Variants in RPGRIP1 observed in about 807,000 individuals in gnomAD.
RPGRIP1 encodes the protein X-linked retinitis pigmentosa GTPase regulator-interacting protein 1.
A neutral mutation model predicts 157.9 loss-of-function variants in RPGRIP1; 128 were observed. The observed-to-expected ratio is 0.81, with a 90% CI of 0.70 to 0.94. The LOEUF is 0.94. RPGRIP1 is among the 40% of genes least tolerant of loss of function. RPGRIP1 has a pLI of 0.00. For synonymous variants in RPGRIP1, 554 were observed against 571.6 expected (o/e 0.97, Z 0.44); for missense variants, 1,486 against 1,545.8 (o/e 0.96, Z 0.65).
chr14:21,287,329 T>G (rs918464433), intron 1 of RPGRIP1, among the ~76,000 whole-genome samples: 1 of 152,038 alleles, frequency 6.6e-6, no homozygotes, highest in Non-Finnish European at 1.5e-5. Flanking sequence ...TTGGCCAGAG[T>G]ATGAGGCAAC....
chr14:21,338,244 A>G (rs1184987875), intron 21 of RPGRIP1, among the ~76,000 whole-genome samples: 2 of 152,192 alleles, frequency 1.3e-5, no homozygotes, highest in Non-Finnish European at 2.9e-5. Flanking sequence ...ACTAATGAGG[A>G]GGGAGCAATC....
At chr14:21,337,654 C>T (rs779360025) in intron 21 of RPGRIP1, among the ~76,000 whole-genome samples, 19 of 151,214 alleles carry the variant, frequency 1.3e-4, no homozygotes, top group Non-Finnish European at 2.5e-4. Flanking sequence ...GTTGGCCAGG[C>T]TGGTCTCAAA....
In RPGRIP1 at chr14:21,343,143, C is replaced by T. The variant is rs35592908; in HGVS notation, c.3447C>T (p.Tyr1149=). Residue 1149 remains tyrosine, a synonymous_variant, in exon 22 of 25, where the codon TAC becomes TAT. Transcript: ENST00000400017. ...AGGTGTATGTGGAGTACAAATTCTA[C>T]GACCTACCCTTGTCGGAGACAGAGA... ...IKQVYVEYKF[Y]DLPLSETETP... 1.2e-3 allele frequency: 1,896 copies of T among 1,613,642 alleles called. 17 individuals carry two copies. In the African/African-American group the frequency reaches 0.022, roughly 19 times the overall value.
At position 21,280,132 on chromosome 14, in the gene RPGRIP1, C is replaced by G. The variant is rs565611635; in HGVS notation, c.-66C>G. Among the ~76,000 whole-genome samples the G allele has an allele frequency of 2.0e-5, 3 of 152,112 alleles. No homozygotes were observed. In the East Asian group the frequency reaches 5.8e-4, roughly 29 times the overall value. On this transcript the variant is annotated 5_prime_UTR_variant, in exon 1 of 25. Coordinates refer to ENST00000400017, the MANE Select transcript of RPGRIP1 (RefSeq NM_020366.4). Reference sequence around the variant, plus strand: ...CAGAACATTGAGAGAAAAGAATTAGCGACAGCTATCTGGAGCAAGCAAGAA... The same window carrying G: ...CAGAACATTGAGAGAAAAGAATTAGGGACAGCTATCTGGAGCAAGCAAGAA...
intron 6 of RPGRIP1, 69 bp from the exon 7 acceptor site, chr14:21,307,662 T>C (rs1881373650): frequency 2.0e-6 from 2 of 984,440 alleles, no homozygotes; most frequent in East Asian, 5.3e-5. Flanking sequence ...TACTAGGGCA[T>C]AGTCAAGGAG....
intron 3 of RPGRIP1, among the ~76,000 whole-genome samples, chr14:21,298,844 G>A (rs1197695150): frequency 1.3e-5 from 2 of 151,272 alleles, no homozygotes; most frequent in Non-Finnish European, 2.9e-5. Flanking sequence ...GGAGGCTGAG[G>A]CAGGAGAATC....
At chr14:21,346,155 C>A (rs540761036) in intron 23 of RPGRIP1, among the ~76,000 whole-genome samples, 1 of 152,242 alleles carries the variant, frequency 6.6e-6, no homozygotes, top group South Asian at 2.1e-4. Flanking sequence ...AATTTTAGAT[C>A]TCCTTTAAAG....
chr14:21,325,131 A>G, intron 15 of RPGRIP1, 61 bp downstream of exon 15: 6 of 1,545,296 alleles, frequency 3.9e-6, no homozygotes, highest in Non-Finnish European at 5.2e-6. Context: ...CAAAGCCTAC[A>G]GTTGCTTTTC....
chr14:21,312,589 A>C (rs1881586049), intron 10 of RPGRIP1, 83 bp downstream of exon 10: 1 of 766,454 alleles, frequency 1.3e-6, no homozygotes. Flanking sequence ...AGCATTAATA[A>C]ATATATGGGG....
chr14:21,350,537 T>A (rs1031896205), intron 24 of RPGRIP1, among the ~76,000 whole-genome samples: 1 of 152,226 alleles, frequency 6.6e-6, no homozygotes, highest in Non-Finnish European at 1.5e-5. Context: ...CCCTAAGGTT[T>A]ACAAAGTTCA....
At chr14:21,350,428 T>C (rs1361133748) in intron 24 of RPGRIP1, among the ~76,000 whole-genome samples, 3 of 151,472 alleles carry the variant, frequency 2.0e-5, no homozygotes, top group Non-Finnish European at 4.4e-5. Flanking sequence ...ATAGCACATA[T>C]TGTCTTGTGA....
chr14:21,320,293 A>G, intron 12 of RPGRIP1, 116 bp downstream of exon 12: 3 of 1,023,848 alleles, frequency 2.9e-6, no homozygotes, highest in Non-Finnish European at 4.3e-6. Flanking sequence ...CTGACTGAGG[A>G]CACTCTTTTT....
chr14:21,320,001 G>C lies in RPGRIP1; in HGVS notation c.1307-16G>C. 6.2e-7 allele frequency: 1 copy of C among 1,601,344 alleles called. No individual in the cohort carries two copies. The highest frequency in any genetic ancestry group is 8.5e-7 in the Non-Finnish European group (1 of 1,173,438). Reference sequence around the variant, plus strand: ...ATAACTACAGAATTTCACATTTCTGGATTATTTTTCCCCAGCCCAAAATGA... The same window carrying C: ...ATAACTACAGAATTTCACATTTCTGCATTATTTTTCCCCAGCCCAAAATGA... On this transcript the variant is annotated splice_polypyrimidine_tract_variant and intron_variant, in intron 11 of 24. Transcript: ENST00000400017.
chr14:21,329,037 G>A (rs920918814), intron 19 of RPGRIP1, among the ~76,000 whole-genome samples: 7 of 150,162 alleles, frequency 4.7e-5, no homozygotes, highest in East Asian at 2.0e-4. Flanking sequence ...CCAGTTACTC[G>A]GGAGGCTGAG....
chr14:21,312,072 A>G lies in RPGRIP1; in HGVS notation c.1077+102A>G, dbSNP rs1172227815. 3 of 1,102,556 alleles carry G rather than the reference A, an allele frequency of 2.7e-6. No homozygotes were observed. The East Asian group carries it at 7.7e-5, about 28-fold the overall frequency. 68.3% of individuals were successfully genotyped at this position (1,102,556 alleles called of 1,614,324 possible). A position where few individuals can be genotyped will look rare whatever the true frequency, so the allele number is the denominator to read the frequency against. On this transcript the variant is annotated intron_variant, in intron 9 of 24. Coordinates refer to ENST00000400017, the MANE Select transcript of RPGRIP1 (RefSeq NM_020366.4). The stretch of plus-strand genomic sequence containing the variant: ...TGAGTATTGCATTTTTTCAAATGAC[A>G]AAAACGAAGCTCCGAGTAGTTAAAT...
chr14:21,340,557 G>C (rs1884890516), intron 21 of RPGRIP1, among the ~76,000 whole-genome samples: 1 of 151,982 alleles, frequency 6.6e-6, no homozygotes, highest in African/African-American at 2.4e-5. Context: ...CAGGAGGCTG[G>C]GGCAGGAGAA....
chr14:21,334,792 C>A, intron 21 of RPGRIP1, 87 bp downstream of exon 21: 1 of 890,816 alleles, frequency 1.1e-6, no homozygotes, highest in South Asian at 1.8e-5. Context: ...CCTGTAATCC[C>A]AGCACCTTGG....
chr14:21,326,112 C>T lies in RPGRIP1; in HGVS notation c.2649C>T (p.Gly883=), dbSNP rs760424141. 7.5e-6 allele frequency: 12 copies of T among 1,607,526 alleles called. No homozygotes were observed. In the South Asian group the frequency reaches 1.2e-4, roughly 16 times the overall value. The part of the protein sequence containing the change: ...HVFDDEDLEP[G]SYLGRARVPL... ...TTGATGATGAAGACTTAGAGCCTGGCTCGTATCTTGGCCGAGCCCGAGTGC... is the reference window on the plus strand; with the variant it reads ...TTGATGATGAAGACTTAGAGCCTGGTTCGTATCTTGGCCGAGCCCGAGTGC... The change falls in exon 17 of 25, where the codon GGC becomes GGT. Residue 883 remains glycine, a synonymous_variant. Coordinates refer to ENST00000400017, the MANE Select transcript of RPGRIP1 (RefSeq NM_020366.4).
intron 23 of RPGRIP1, among the ~76,000 whole-genome samples, chr14:21,346,933 G>A (rs957783817): frequency 1.1e-4 from 17 of 152,250 alleles, no homozygotes; most frequent in Non-Finnish European, 4.4e-5. Context: ...AAAGGAGCCA[G>A]ATGAAATAAA....
Sources: gnomAD v4.1 joint callset for allele counts (sites outside exome capture counted in the v4.1 genomes callset) on GRCh38, gnomAD v4.1.1 for gene constraint, MANE v1.5 for transcripts, NCBI Gene and HGNC (gene_info 2026-07-23, HGNC 2026-07-21) for gene names.